The following CC2D2B variants were observed in gnomAD, a reference collection of about 807,000 sequenced individuals.
CC2D2B encodes the protein coiled-coil and C2 domain containing 2B.
In CC2D2B, 128 loss-of-function variants were observed where a neutral mutation model predicts 161.2. The observed-to-expected ratio is 0.79, with a 90% CI of 0.69 to 0.92. The LOEUF (loss-of-function observed/expected upper bound fraction) is 0.92, where lower values mean the gene tolerates loss of function less well. Among genes scored for constraint, CC2D2B ranks in the 40% least tolerant of loss-of-function variants. The pLI, the probability that CC2D2B is intolerant of heterozygous loss-of-function variation, is 0.00. For missense variants in CC2D2B, 1,173 were observed against 1,375.1 expected (o/e 0.85, Z 2.32); for synonymous variants, 391 against 449.8 (o/e 0.87, Z 1.65).
In CC2D2B at chr10:96,031,997, C is replaced by A; in HGVS notation, c.4303C>A (p.Gln1435Lys). The change falls in exon 35 of 35, where the codon CAA becomes AAA. Residue 1435 changes from glutamine to lysine, a missense_variant. Physicochemically the swap from Gln to Lys is moderately conservative, Grantham distance 53. This residue lies in a region of CC2D2B where 598 missense variants were observed against 693.2 expected (regional missense o/e 0.86). Transcript: ENST00000646931. ...SVWVYLASLV[Q>K]HQ ...GTGGGTCTATTTGGCTTCCTTAGTT[C>A]AACATCAATGAAAAGGAAGCAGAGC... 6.2e-7 allele frequency: 1 copy of A among 1,612,094 alleles called. No homozygotes were observed. Among genetic ancestry groups the A allele is most frequent in the East Asian group, 2.2e-5 (1 of 44,840 alleles).
In CC2D2B at chr10:95,961,821, T is replaced by G; in HGVS notation, c.1110-8T>G. 1 of 1,231,382 alleles carries G rather than the reference T, an allele frequency of 8.1e-7. No homozygotes were observed. 76.3% of individuals were successfully genotyped at this position (1,231,382 alleles called of 1,614,324 possible). ...TGACAAATTTTTGCTCTGCCATTTT[T>G]GTTGTAGTAATACAAAACAGATGTA... On this transcript the variant is annotated splice_region_variant and splice_polypyrimidine_tract_variant and intron_variant, in intron 11 of 34. Coordinates refer to ENST00000646931, the MANE Select transcript of CC2D2B (RefSeq NM_001349008.3).
chr10:96,009,318 C>T (rs12783483), intron 25 of CC2D2B, among the ~76,000 whole-genome samples: 19,271 of 152,074 alleles, frequency 0.13, 1,297 homozygotes, highest in Middle Eastern at 0.17. Context: ...TTATTTTCTG[C>T]TTATCCCAAC....
At chr10:95,962,176 A>C (rs1373270223) in intron 12 of CC2D2B, among the ~76,000 whole-genome samples, 1 of 152,122 alleles carries the variant, frequency 6.6e-6, no homozygotes, top group African/African-American at 2.4e-5. Context: ...CTTACAACTT[A>C]AGAAAACCCA....
intron 34 of CC2D2B, among the ~76,000 whole-genome samples, chr10:96,030,411 G>A (rs532194263): frequency 6.6e-6 from 1 of 152,050 alleles, no homozygotes; most frequent in East Asian, 1.9e-4. Context: ...GAAAACCTCA[G>A]CCTCCCAAGA....
At chr10:96,016,160 ACTTTT>A (rs761853182) in intron 29 of CC2D2B, 36 bp from the exon 30 acceptor site, 4 of 1,373,902 alleles carry the variant, frequency 2.9e-6, no homozygotes, top group Middle Eastern at 1.8e-4. Flanking sequence ...ACTTTCCCGC[ACTTTT>A]CTTTTTTTGT....
rs2075912457 is a variant in CC2D2B, at chr10:95,938,614, TAGA to T, written c.585_587del (p.Glu195del). On this transcript the variant is annotated inframe_deletion, in exon 8 of 35. Coordinates refer to ENST00000646931, the MANE Select transcript of CC2D2B (RefSeq NM_001349008.3). ...CCAAAAGATATGATGCCACGTATTC[TAGA>T]AGATGAAGGATTCTATATTCAGAGA... 7.0e-6 allele frequency: 5 copies of T among 711,782 alleles called. No homozygotes were observed. The highest frequency in any genetic ancestry group is 1.5e-5 in the South Asian group (1 of 66,084). 44.1% of individuals were successfully genotyped at this position (711,782 alleles called of 1,614,324 possible).
chr10:95,929,901 A>G (rs1377442005), intron 6 of CC2D2B, among the ~76,000 whole-genome samples: 1 of 152,048 alleles, frequency 6.6e-6, no homozygotes, highest in Non-Finnish European at 1.5e-5. Flanking sequence ...TCCATATGAA[A>G]TTTAAAGTAT....
At chr10:95,930,355 A>C (rs2098547764) in intron 6 of CC2D2B, among the ~76,000 whole-genome samples, 1 of 152,124 alleles carries the variant, frequency 6.6e-6, no homozygotes, top group Non-Finnish European at 1.5e-5. Flanking sequence ...AGACAATTTG[A>C]CTTCTTCTCT....
intron 17 of CC2D2B, among the ~76,000 whole-genome samples, chr10:95,979,270 G>T (rs1410500298): frequency 2.0e-5 from 3 of 151,798 alleles, no homozygotes; most frequent in African/African-American, 7.3e-5. Flanking sequence ...CCAGAAGTGG[G>T]CTGTAAGCCT....
chr10:96,019,427 G>C, intron 31 of CC2D2B, 90 bp downstream of exon 31: 10 of 1,270,630 alleles, frequency 7.9e-6, no homozygotes, highest in Non-Finnish European at 1.1e-5. Context: ...TTTAAATATA[G>C]ATAGTCTATC....
chr10:96,005,258 T>C (rs1389915610), intron 25 of CC2D2B, among the ~76,000 whole-genome samples: 1 of 152,226 alleles, frequency 6.6e-6, no homozygotes, highest in Non-Finnish European at 1.5e-5. Flanking sequence ...TGAATAGCAG[T>C]TGATTAACAA....
chr10:96,026,645 T>C (rs1484301110), intron 33 of CC2D2B, among the ~76,000 whole-genome samples: 1 of 152,008 alleles, frequency 6.6e-6, no homozygotes, highest in Admixed American at 6.6e-5. Flanking sequence ...TACATACGGG[T>C]AACTGGAAAA....
chr10:95,970,313 C>G (rs1456079481), intron 15 of CC2D2B, among the ~76,000 whole-genome samples: 1 of 152,000 alleles, frequency 6.6e-6, no homozygotes, highest in Non-Finnish European at 1.5e-5. Flanking sequence ...GGATTGCAGG[C>G]ATGAACCAAC....
chr10:96,025,162 T>TATATATATAAA (rs2079652657), intron 33 of CC2D2B, among the ~76,000 whole-genome samples: 1 of 7,108 alleles, frequency 1.4e-4, no homozygotes, highest in African/African-American at 6.6e-4. Flanking sequence ...AAAATATATA[T>TATATATATAAA]ATATATATAT....
At chr10:95,945,541 C>T (rs1056660261) in intron 9 of CC2D2B, among the ~76,000 whole-genome samples, 5 of 152,168 alleles carry the variant, frequency 3.3e-5, no homozygotes, top group African/African-American at 1.2e-4. Flanking sequence ...CTTCCCTCTG[C>T]TCCCATTTCT....
At chr10:96,010,017 A>AG in intron 26 of CC2D2B, 94 bp downstream of exon 26, 1 of 727,228 alleles carries the variant, frequency 1.4e-6, no homozygotes, top group East Asian at 2.6e-5. Context: ...TGTGATTGGC[A>AG]GGCTGGTAGG....
chr10:95,938,715 C>T lies in CC2D2B; in HGVS notation c.672+10C>T. 1 of 707,250 alleles carries T rather than the reference C, an allele frequency of 1.4e-6. No individual in the cohort carries two copies. Among genetic ancestry groups the T allele is most frequent in the South Asian group, 1.5e-5 (1 of 65,004 alleles). 43.8% of individuals were successfully genotyped at this position (707,250 alleles called of 1,614,324 possible). On this transcript the variant is annotated intron_variant, in intron 8 of 34. Transcript: ENST00000646931. ...GCTTAAACTAGAAGAGGCAAGTGCA[C>T]CACCTAACAAGTTAAAACACTGGCT...
At chr10:95,917,689 A>T (rs376009066) in intron 2 of CC2D2B, among the ~76,000 whole-genome samples, 1 of 151,764 alleles carries the variant, frequency 6.6e-6, no homozygotes, top group South Asian at 2.1e-4. Flanking sequence ...TTAAAACTCT[A>T]CCCTTTAACT....
At chr10:95,977,946 T>G (rs2077377672) in intron 17 of CC2D2B, among the ~76,000 whole-genome samples, 1 of 152,194 alleles carries the variant, frequency 6.6e-6, no homozygotes. Context: ...TATTTTTTAA[T>G]GTGTACAGAG....
Sources: allele counts gnomAD v4.1 joint callset (sites outside exome capture counted in the v4.1 genomes callset), GRCh38; gene constraint gnomAD v4.1.1; regional missense constraint gnomAD v4.1.1; transcripts MANE v1.5; gene names NCBI Gene and HGNC (gene_info 2026-07-23, HGNC 2026-07-21).